The following MACROD2 variants were observed in gnomAD, a reference collection of about 807,000 sequenced individuals.
MACROD2 encodes the protein mono-ADP ribosylhydrolase 2.
Under a neutral mutation model 70.4 loss-of-function variants are expected in MACROD2, and 36 were observed. That is an observed-to-expected ratio of 0.51 (90% CI 0.39 to 0.68). The LOEUF is 0.68. Among genes scored for constraint, MACROD2 ranks in the 30% least tolerant of loss-of-function variants. The probability of loss-of-function intolerance (pLI) is 0.00; values close to 1 mark genes in which losing one functional copy is unlikely to be tolerated. For missense variants in MACROD2, 496 were observed against 538.4 expected, an observed-to-expected ratio of 0.92 and a Z score of 0.78; for synonymous variants, 172 against 178.8, an observed-to-expected ratio of 0.96 and a Z score of 0.30.
At position 15,476,570 on chromosome 20, in the gene MACROD2, G is replaced by GCC. The variant is rs10596676; in HGVS notation, c.572-23196_572-23195dup. Reference sequence around the variant, plus strand: ...AATTTTAAAACTATATTGTTGTTTTGCCCCCCCCCGGTAAGTCTGTCAACT... The same window carrying GCC: ...AATTTTAAAACTATATTGTTGTTTTGCCCCCCCCCCCGGTAAGTCTGTCAACT... On this transcript the variant is annotated intron_variant, in intron 7 of 17. Transcript: ENST00000684519. 4.5e-3 allele frequency among the ~76,000 whole-genome samples: 677 copies of GCC among 150,104 alleles called. 8 individuals carry two copies. Among genetic ancestry groups the GCC allele is most frequent in the African/African-American group, 0.016 (633 of 40,736 alleles).
chr20:15,516,980 G>A (rs1385732825), intron 8 of MACROD2, among the ~76,000 whole-genome samples: 1 of 152,122 alleles, frequency 6.6e-6, no homozygotes, highest in Admixed American at 6.5e-5. Flanking sequence ...TTGTTTCAAT[G>A]TGTTCATAAG....
At chr20:15,435,851 T>C (rs1450513746) in intron 7 of MACROD2, among the ~76,000 whole-genome samples, 1 of 152,164 alleles carries the variant, frequency 6.6e-6, no homozygotes, top group Admixed American at 6.6e-5. Context: ...TTGTCAGGCA[T>C]GGCATTAATA....
At chr20:14,327,162 G>A (rs751304787) in intron 3 of MACROD2, 1 of 1,613,688 alleles carries the variant, frequency 6.2e-7, no homozygotes, top group South Asian at 1.1e-5. Context: ...TAGTCCTTAT[G>A]TTATTTTCTT....
chr20:15,544,066 A>G (rs532411702), intron 8 of MACROD2, among the ~76,000 whole-genome samples: 2 of 152,256 alleles, frequency 1.3e-5, no homozygotes, highest in East Asian at 3.9e-4. Flanking sequence ...TCCCTGAGGG[A>G]AAGGATGTGG....
chr20:15,895,521 TG>T (rs2064957266), intron 10 of MACROD2, among the ~76,000 whole-genome samples: 1 of 152,210 alleles, frequency 6.6e-6, no homozygotes, highest in Non-Finnish European at 1.5e-5. Context: ...GCTGTTGTGC[TG>T]AAACCCTCCC....
intron 7 of MACROD2, among the ~76,000 whole-genome samples, chr20:15,453,572 A>G (rs62193888): frequency 0.011 from 1,626 of 152,274 alleles, 11 homozygotes; most frequent in Non-Finnish European, 0.018. Context: ...TGTTATTTGT[A>G]ATTCTCACAA....
chr20:15,257,187 A>G (rs1214952474), intron 6 of MACROD2, among the ~76,000 whole-genome samples: 1 of 152,042 alleles, frequency 6.6e-6, no homozygotes, highest in Admixed American at 6.6e-5. Context: ...CTTACAATAT[A>G]CATACCTGTG....
chr20:14,035,909 A>G (rs986972861), intron 2 of MACROD2, among the ~76,000 whole-genome samples: 9 of 152,208 alleles, frequency 5.9e-5, no homozygotes, highest in African/African-American at 1.4e-4. Flanking sequence ...TTGGGAGGCC[A>G]AGGCGGGCGG....
chr20:14,463,915 G>A (rs1049139044), intron 3 of MACROD2, among the ~76,000 whole-genome samples: 1 of 151,946 alleles, frequency 6.6e-6, no homozygotes, highest in Admixed American at 6.6e-5. Flanking sequence ...GCTTTTTGAT[G>A]TGTCACTGGG....
intron 8 of MACROD2, among the ~76,000 whole-genome samples, chr20:15,755,942 A>G (rs2051341121): frequency 6.6e-6 from 1 of 152,210 alleles, no homozygotes; most frequent in African/African-American, 2.4e-5. Flanking sequence ...CAAAGCAGGT[A>G]TGATCTTGTT....
chr20:15,068,447 A>G (rs1344968657), intron 5 of MACROD2, among the ~76,000 whole-genome samples: 1 of 152,190 alleles, frequency 6.6e-6, no homozygotes, highest in Admixed American at 6.5e-5. Context: ...CAAGTCTCAT[A>G]TAGAAATGTG....
intron 8 of MACROD2, among the ~76,000 whole-genome samples, chr20:15,699,125 G>C (rs2050418253): frequency 1.3e-5 from 2 of 152,116 alleles, no homozygotes; most frequent in African/African-American, 4.8e-5. Context: ...TGGTGAACTA[G>C]TGTGATTTAC....
intron 8 of MACROD2, among the ~76,000 whole-genome samples, chr20:15,839,681 C>T (rs1490814588): frequency 6.6e-6 from 1 of 152,136 alleles, no homozygotes; most frequent in Non-Finnish European, 1.5e-5. Flanking sequence ...CACATATCAT[C>T]TATAAGAAGT....
chr20:14,455,890 A>G (rs1161129235), intron 3 of MACROD2, among the ~76,000 whole-genome samples: 2 of 151,730 alleles, frequency 1.3e-5, no homozygotes, highest in East Asian at 3.8e-4. Flanking sequence ...CATTAAAATA[A>G]ATGTATTAAA....
intron 3 of MACROD2, among the ~76,000 whole-genome samples, chr20:14,268,247 A>G (rs1012320497): frequency 1.6e-4 from 25 of 152,146 alleles, no homozygotes; most frequent in African/African-American, 5.8e-4. Flanking sequence ...CACAACTAAC[A>G]AAACTGACAC....
chr20:14,162,433 A>G (rs115368448), intron 3 of MACROD2, among the ~76,000 whole-genome samples: 1,983 of 152,244 alleles, frequency 0.013, 44 homozygotes, highest in African/African-American at 0.045. Context: ...CAAATTTTCT[A>G]TCTAGAGGCT....
At chr20:15,567,130 C>T (rs1340585622) in intron 8 of MACROD2, among the ~76,000 whole-genome samples, 1 of 150,384 alleles carries the variant, frequency 6.6e-6, no homozygotes, top group East Asian at 1.9e-4. Context: ...TATTTAAATA[C>T]ACTGGCTCTA....
At chr20:15,733,217 G>A (rs1351371740) in intron 8 of MACROD2, among the ~76,000 whole-genome samples, 1 of 152,060 alleles carries the variant, frequency 6.6e-6, no homozygotes, top group Non-Finnish European at 1.5e-5. Flanking sequence ...TTTCATGTAT[G>A]ATATTAGTAA....
intron 8 of MACROD2, among the ~76,000 whole-genome samples, chr20:15,558,807 C>T (rs564535878): frequency 6.6e-6 from 1 of 152,148 alleles, no homozygotes; most frequent in Admixed American, 6.5e-5. Context: ...TTACTGAAGC[C>T]CTGATAGTAT....
Sources: allele counts gnomAD v4.1 joint callset (sites outside exome capture counted in the v4.1 genomes callset), GRCh38; gene constraint gnomAD v4.1.1; transcripts MANE v1.5; gene names NCBI Gene and HGNC (gene_info 2026-07-23, HGNC 2026-07-21).